The following PCED1B variants were observed in gnomAD, a reference collection of about 807,000 sequenced individuals.
The protein encoded by PCED1B is PC-esterase domain containing 1B.
For synonymous variants in PCED1B, 251 were observed against 246.1 expected, an observed-to-expected ratio of 1.02 and a Z score of -0.19; for missense variants, 573 against 573.9, an observed-to-expected ratio of 1.00 and a Z score of 0.02.
intron 2 of PCED1B, among the ~76,000 whole-genome samples, chr12:47,112,203 C>A (rs1259638537): frequency 1.3e-5 from 2 of 152,186 alleles, no homozygotes; most frequent in Non-Finnish European, 2.9e-5. Context: ...GCACCAAGCA[C>A]AGCATAAAAT....
chr12:47,157,833 G>T (rs1941244638), intron 2 of PCED1B, among the ~76,000 whole-genome samples: 1 of 152,090 alleles, frequency 6.6e-6, no homozygotes, highest in Non-Finnish European at 1.5e-5. Context: ...CTGACAACCA[G>T]TATACCACTT....
intron 2 of PCED1B, among the ~76,000 whole-genome samples, chr12:47,123,619 A>G (rs1939769398): frequency 6.6e-6 from 1 of 152,114 alleles, no homozygotes; most frequent in Admixed American, 6.5e-5. Flanking sequence ...TTTATATTCA[A>G]GTAAAAACTC....
chr12:47,113,693 T>C (rs893591374), intron 2 of PCED1B, among the ~76,000 whole-genome samples: 1 of 152,118 alleles, frequency 6.6e-6, no homozygotes, highest in Admixed American at 6.5e-5. Context: ...AAATGCAATT[T>C]TTTTTTTTTA....
At chr12:47,089,217 C>T (rs1351726150) in intron 1 of PCED1B, among the ~76,000 whole-genome samples, 2 of 151,548 alleles carry the variant, frequency 1.3e-5, no homozygotes, top group African/African-American at 2.4e-5. Context: ...CCAAGGCAGG[C>T]GGATCATGAG....
intron 1 of PCED1B, among the ~76,000 whole-genome samples, chr12:47,100,978 G>A (rs974387314): frequency 1.3e-5 from 2 of 152,122 alleles, no homozygotes; most frequent in African/African-American, 4.8e-5. Flanking sequence ...GTCGAGGCAG[G>A]AGAATCACTT....
rs1565622026 is a variant in PCED1B at position 47,236,225 on chromosome 12, C to T, written c.1162C>T (p.Arg388Cys). The T allele has an allele frequency of 6.2e-7, 1 of 1,614,144 alleles. No homozygotes were observed. Among genetic ancestry groups the T allele is most frequent in the Non-Finnish European group, 8.5e-7 (1 of 1,180,026 alleles). Residue 388 changes from arginine (R) to cysteine (C), a missense_variant, in exon 4 of 4, where the codon CGT becomes TGT. Transcript: ENST00000546455. Reference sequence around the variant, plus strand: ...GCCTATGCCCTTCTTCCCCACACCCCGTTATCAGCGGCCTGCCCCAGTGGT... The same window carrying T: ...GCCTATGCCCTTCTTCCCCACACCCTGTTATCAGCGGCCTGCCCCAGTGGT... ...QLPMPFFPTP[R>C]YQRPAPVVHR...
chr12:47,130,051 A>G (rs1035706339), intron 2 of PCED1B, among the ~76,000 whole-genome samples: 17 of 152,128 alleles, frequency 1.1e-4, no homozygotes, highest in African/African-American at 4.1e-4. Context: ...ATTCAGTTTC[A>G]TATATGGGTT....
chr12:47,207,514 A>AC (rs1942948387), intron 2 of PCED1B, among the ~76,000 whole-genome samples: 2 of 152,210 alleles, frequency 1.3e-5, no homozygotes, highest in Non-Finnish European at 2.9e-5. Flanking sequence ...GACAAGGATG[A>AC]CCCAGCAGAT....
intron 2 of PCED1B, among the ~76,000 whole-genome samples, chr12:47,154,479 C>G (rs1318269354): frequency 6.6e-6 from 1 of 152,076 alleles, no homozygotes; most frequent in Non-Finnish European, 1.5e-5. Context: ...TTTCAAAAAC[C>G]TCAAGCGTTT....
intron 2 of PCED1B, among the ~76,000 whole-genome samples, chr12:47,117,469 C>T (rs1432397554): frequency 6.6e-6 from 1 of 152,108 alleles, no homozygotes; most frequent in Non-Finnish European, 1.5e-5. Context: ...GTCCATGCGA[C>T]AGTTTGCTCA....
intron 2 of PCED1B, among the ~76,000 whole-genome samples, chr12:47,165,757 TTA>T (rs1941524992): frequency 6.6e-6 from 1 of 152,202 alleles, no homozygotes; most frequent in South Asian, 2.1e-4. Flanking sequence ...GCCGGTTTTG[TTA>T]TTCTGTTACA....
intron 2 of PCED1B, among the ~76,000 whole-genome samples, chr12:47,192,826 A>G (rs548367960): frequency 2.0e-5 from 3 of 152,208 alleles, no homozygotes; most frequent in East Asian, 3.9e-4. Context: ...GACAAGTACT[A>G]TCATTAACCC....
chr12:47,181,868 A>T (rs934752892), intron 2 of PCED1B, among the ~76,000 whole-genome samples: 3 of 152,204 alleles, frequency 2.0e-5, no homozygotes, highest in African/African-American at 7.2e-5. Context: ...CAATCCTGTC[A>T]AAAGAAACAT....
At chr12:47,146,379 TG>T (rs1940784434) in intron 2 of PCED1B, among the ~76,000 whole-genome samples, 1 of 152,202 alleles carries the variant, frequency 6.6e-6, no homozygotes, top group African/African-American at 2.4e-5. Flanking sequence ...GATAAAGCAG[TG>T]GCAGGGTTTG....
At chr12:47,159,116 T>C (rs1941288645) in intron 2 of PCED1B, among the ~76,000 whole-genome samples, 1 of 152,212 alleles carries the variant, frequency 6.6e-6, no homozygotes, top group Non-Finnish European at 1.5e-5. Flanking sequence ...ATTATGTATA[T>C]ATGCCACATT....
At chr12:47,219,107 C>A (rs530922795) in intron 3 of PCED1B, among the ~76,000 whole-genome samples, 1 of 152,138 alleles carries the variant, frequency 6.6e-6, no homozygotes, top group Admixed American at 6.5e-5. Flanking sequence ...CACCACTGCA[C>A]TCCAGCCTGG....
chr12:47,093,450 T>G (rs571937922), intron 1 of PCED1B, among the ~76,000 whole-genome samples: 2 of 152,020 alleles, frequency 1.3e-5, no homozygotes, highest in Non-Finnish European at 2.9e-5. Context: ...TTCTTATATG[T>G]TCCTTGGTTT....
intron 1 of PCED1B, among the ~76,000 whole-genome samples, chr12:47,101,406 G>A (rs1303710436): frequency 6.6e-6 from 1 of 152,150 alleles, no homozygotes; most frequent in Non-Finnish European, 1.5e-5. Context: ...TCAGTAAAAT[G>A]AATTTCCTTC....
At chr12:47,080,937 G>T (rs528238212) in intron 1 of PCED1B, among the ~76,000 whole-genome samples, 2 of 152,126 alleles carry the variant, frequency 1.3e-5, no homozygotes, top group African/African-American at 4.8e-5. Flanking sequence ...GCGTGTGCGC[G>T]GAGGCTCTTC....
Sources: gnomAD v4.1 joint callset for allele counts (sites outside exome capture counted in the v4.1 genomes callset) on GRCh38, gnomAD v4.1.1 for gene constraint, MANE v1.5 for transcripts, NCBI Gene and HGNC (gene_info 2026-07-23, HGNC 2026-07-21) for gene names.